ZMYND8: variants seen among roughly 807,000 people sequenced by gnomAD.
The protein encoded by ZMYND8 is MYND-type zinc finger-containing chromatin reader ZMYND8.
A neutral mutation model predicts 140.8 loss-of-function variants in ZMYND8; 37 were observed. The ratio of observed to expected loss-of-function variants is 0.26; its 90% CI spans 0.20 to 0.35. The LOEUF is 0.35. Among genes scored for constraint, ZMYND8 ranks in the 10% least tolerant of loss-of-function variants. The pLI, the probability that ZMYND8 is intolerant of heterozygous loss-of-function variation, is 1.00. For synonymous variants in ZMYND8, 592 were observed against 597.1 expected (o/e 0.99, Z 0.12); for missense variants, 1,068 against 1,570.0 (o/e 0.68, Z 5.40).
At chr20:47,281,989 G>A (rs2076635608) in intron 10 of ZMYND8, 113 bp downstream of exon 10, 1 of 877,336 alleles carries the variant, frequency 1.1e-6, no homozygotes, top group Non-Finnish European at 1.8e-6. Context: ...TCAATGGTTG[G>A]TATCATGACA....
At chr20:47,232,455 A>G (rs2147098372) in intron 16 of ZMYND8, among the ~76,000 whole-genome samples, 1 of 152,220 alleles carries the variant, frequency 6.6e-6, no homozygotes, top group African/African-American at 2.4e-5. Context: ...CTACCTGGGG[A>G]AGCCAAGGTG....
At position 47,298,393 on chromosome 20, in the gene ZMYND8, A is replaced by G; in HGVS notation, c.453+336T>C. The stretch of plus-strand genomic sequence containing the variant: ...TCCAAGACGGAGAAAACAGAATGAG[A>G]TCTTTTCAAAATGTGTGAGCCGTTC... On this transcript the variant is annotated intron_variant, in intron 4 of 22. Coordinates refer to ENST00000471951, the MANE Select transcript of ZMYND8 (RefSeq NM_001281775.3). This position sits in a 1 kb window ranked among gnomAD's most constrained non-coding sequence, Gnocchi z 5.0. 1 of 985,442 alleles carries G rather than the reference A, an allele frequency of 1.0e-6. No homozygotes were observed. The highest frequency in any genetic ancestry group is 1.2e-6 in the Non-Finnish European group (1 of 829,934). 61.0% of individuals were successfully genotyped at this position (985,442 alleles called of 1,614,324 possible).
intron 3 of ZMYND8, among the ~76,000 whole-genome samples, chr20:47,302,694 C>T (rs1187711350): frequency 1.4e-5 from 2 of 147,806 alleles, no homozygotes; most frequent in South Asian, 2.1e-4. Context: ...TCTCCCAGCA[C>T]ACTCTCTCTT....
Position 47,262,409 on chromosome 20 carries a change from C to T in ZMYND8, c.1500G>A (p.Lys500=). The change falls in exon 12 of 23, where the codon AAG becomes AAA. Residue 500 remains lysine, a synonymous_variant. Coordinates refer to ENST00000471951, the MANE Select transcript of ZMYND8 (RefSeq NM_001281775.3). ...DKSTASPAST[K]TGQAGSLSGS... ...CGGATAAACTCCCTGCTTGTCCCGT[C>T]TTGGTGGAGGCTGGTGAAGCTGAAA... is the stretch of plus-strand genomic sequence containing the variant. 1.4e-5 allele frequency: 22 copies of T among 1,613,982 alleles called. No individual in the cohort carries two copies. The highest frequency in any genetic ancestry group is 1.8e-5 in the Non-Finnish European group (21 of 1,180,022).
intron 2 of ZMYND8, among the ~76,000 whole-genome samples, chr20:47,324,956 G>A (rs2080288139): frequency 6.6e-6 from 1 of 152,158 alleles, no homozygotes; most frequent in South Asian, 2.1e-4. Context: ...CCAAGCTGGA[G>A]TACAATGGTG....
At chr20:47,227,363 T>C in intron 17 of ZMYND8, 82 bp from the exon 18 acceptor site, 1 of 1,338,988 alleles carries the variant, frequency 7.5e-7, no homozygotes, top group Non-Finnish European at 1.1e-6. Context: ...CACGGCTGGC[T>C]GTGAGGGGTA....
chr20:47,335,877 A>G (rs1156632291), intron 2 of ZMYND8, among the ~76,000 whole-genome samples: 1 of 152,204 alleles, frequency 6.6e-6, no homozygotes, highest in African/African-American at 2.4e-5. Flanking sequence ...GAGTTCTGGG[A>G]TATTTTAGAC....
chr20:47,267,512 A>G (rs2075619035), intron 11 of ZMYND8, among the ~76,000 whole-genome samples: 1 of 151,862 alleles, frequency 6.6e-6, no homozygotes, highest in African/African-American at 2.4e-5. Context: ...GGGGGCAATT[A>G]AAAGACTGGG....
chr20:47,265,735 G>T (rs535977347), intron 11 of ZMYND8, among the ~76,000 whole-genome samples: 1 of 152,012 alleles, frequency 6.6e-6, no homozygotes, highest in African/African-American at 2.4e-5. Context: ...GAGCCATCAC[G>T]CCCAGCCTAT....
intron 2 of ZMYND8, among the ~76,000 whole-genome samples, chr20:47,313,105 C>T (rs898709567): frequency 8.5e-5 from 13 of 152,102 alleles, no homozygotes; most frequent in African/African-American, 2.6e-4. Flanking sequence ...GTGTTCACAC[C>T]TGTAATCCCA....
chr20:47,293,176 G>A (rs189000053), intron 5 of ZMYND8, among the ~76,000 whole-genome samples: 1 of 32,874 alleles, frequency 3.0e-5, no homozygotes, highest in Non-Finnish European at 5.4e-5. Flanking sequence ...GGGAGGGAGG[G>A]AGGGAGGGAG....
At chr20:47,352,093 G>A (rs998387285) in intron 1 of ZMYND8, 43 of 818,386 alleles carry the variant, frequency 5.3e-5, no homozygotes, top group Admixed American at 6.2e-5. Flanking sequence ...GTGCAGCCCC[G>A]TGGCACAAAC....
At chr20:47,268,884 A>C (rs2075736000) in intron 11 of ZMYND8, among the ~76,000 whole-genome samples, 1 of 152,190 alleles carries the variant, frequency 6.6e-6, no homozygotes, top group Non-Finnish European at 1.5e-5. Flanking sequence ...GCTTGCTAAA[A>C]GAGTGATTAA....
intron 4 of ZMYND8, among the ~76,000 whole-genome samples, chr20:47,297,762 A>T (rs1184342467): frequency 1.3e-5 from 2 of 152,184 alleles, no homozygotes; most frequent in Non-Finnish European, 2.9e-5. Context: ...ATTCCACATT[A>T]AATAATTGTG....
rs1273374031 is a variant in ZMYND8, at chr20:47,298,241, A to T, written c.453+488T>A. 67 of 982,112 alleles carry T rather than the reference A, an allele frequency of 6.8e-5. No homozygotes were observed. Among genetic ancestry groups the T allele is most frequent in the Non-Finnish European group, 7.6e-5 (63 of 827,076 alleles). The allele number at this position is 982,112 out of a possible 1,614,324, so 60.8% of individuals were successfully genotyped here. ...CACTGTCGAATTCCCAGCACCTAAT[A>T]GGCACTCAAGAAATACTTGTTGCAC... On this transcript the variant is annotated intron_variant, in intron 4 of 22. Coordinates refer to ENST00000471951, the MANE Select transcript of ZMYND8 (RefSeq NM_001281775.3). The surrounding 1 kb of genome is among the most constrained non-coding windows in gnomAD (Gnocchi z 5.0).
chr20:47,236,533 T>A lies in ZMYND8; in HGVS notation c.2666-17A>T, dbSNP rs1276363521. On this transcript the variant is annotated splice_polypyrimidine_tract_variant and intron_variant, in intron 15 of 22. Transcript: ENST00000471951. ...GCTGGACAGCTAGGAAGGCAAAGCA[T>A]CCTGATTACCCCACGTGGGAAGGAC... The A allele has an allele frequency of 6.5e-7, 1 of 1,544,508 alleles. No homozygotes were observed. The highest frequency in any genetic ancestry group is 8.7e-7 in the Non-Finnish European group (1 of 1,144,908).
chr20:47,333,612 G>A (rs1450582045), intron 2 of ZMYND8, among the ~76,000 whole-genome samples: 1 of 150,762 alleles, frequency 6.6e-6, no homozygotes, highest in African/African-American at 2.4e-5. Flanking sequence ...TGTAGTCCCA[G>A]CTCCTCGGGA....
At chr20:47,338,852 A>T (rs1177158075) in intron 2 of ZMYND8, among the ~76,000 whole-genome samples, 1 of 152,170 alleles carries the variant, frequency 6.6e-6, no homozygotes, top group African/African-American at 2.4e-5. Flanking sequence ...CAAATGTCAC[A>T]GAGGCCAACA....
chr20:47,214,750 C>T (rs2035824481), intron 21 of ZMYND8, among the ~76,000 whole-genome samples: 1 of 152,142 alleles, frequency 6.6e-6, no homozygotes. Flanking sequence ...CCACCTTGGC[C>T]TCTCAAGGTG....
Sources: gnomAD v4.1 joint callset for allele counts (sites outside exome capture counted in the v4.1 genomes callset) on GRCh38, gnomAD v4.1.1 for gene constraint, Gnocchi (gnomAD v3.1) non-coding constraint, MANE v1.5 for transcripts, NCBI Gene and HGNC (gene_info 2026-07-23, HGNC 2026-07-21) for gene names.